PPP4R3B: variants seen among roughly 807,000 people sequenced by gnomAD.
The protein encoded by PPP4R3B is protein phosphatase 4 regulatory subunit 3B, also known as serine/threonine-protein phosphatase 4 regulatory subunit 3B.
In PPP4R3B, 52 loss-of-function variants were observed where a neutral mutation model predicts 95.4. The ratio of observed to expected loss-of-function variants is 0.54; its 90% CI spans 0.44 to 0.69. PPP4R3B has a LOEUF of 0.69. PPP4R3B is among the 30% of genes least tolerant of loss of function. The pLI is 0.00. For missense variants in PPP4R3B, 1,003 were observed against 1,005.9 expected (o/e 1.00, Z 0.04); for synonymous variants, 407 against 343.9 (o/e 1.18, Z -2.03).
At chr2:55,605,030 C>T (rs920422929) in intron 2 of PPP4R3B, among the ~76,000 whole-genome samples, 2 of 151,990 alleles carry the variant, frequency 1.3e-5, no homozygotes, top group African/African-American at 4.8e-5. Context: ...AGGGTTTCAC[C>T]ATTTTGCCCA....
intron 2 of PPP4R3B, among the ~76,000 whole-genome samples, chr2:55,605,418 C>G (rs1035597620): frequency 6.6e-6 from 1 of 152,164 alleles, no homozygotes; most frequent in South Asian, 2.1e-4. Context: ...CATTTCAGTA[C>G]TTTTTGGCTT....
In PPP4R3B at chr2:55,547,382, G is replaced by A. The variant is rs1684843232; in HGVS notation, c.*2529C>T. On this transcript the variant is annotated 3_prime_UTR_variant, in exon 17 of 17. Coordinates refer to ENST00000616407, the MANE Select transcript of PPP4R3B (RefSeq NM_001122964.3). ...TTAAGAAGACCTAAGGCATACAAAT[G>A]TGGGCTTTTGGCTTGCTTCACTGAA... The A allele has an allele frequency of 6.6e-6, 1 of 152,178 alleles. No individual in the cohort carries two copies. Among genetic ancestry groups the A allele is most frequent in the African/African-American group, 2.4e-5 (1 of 41,444 alleles). 9.4% of individuals were successfully genotyped at this position (152,178 alleles called of 1,614,324 possible). A position where few individuals can be genotyped will look rare whatever the true frequency, so the allele number is the denominator to read the frequency against.
chr2:55,607,783 CTTGGT>C (rs1693624711), intron 2 of PPP4R3B, among the ~76,000 whole-genome samples: 1 of 152,188 alleles, frequency 6.6e-6, no homozygotes, highest in Non-Finnish European at 1.5e-5. Context: ...CTAACCATGC[CTTGGT>C]CCTTCTGGTG....
chr2:55,564,405 T>G lies in PPP4R3B; in HGVS notation c.2168A>C (p.Glu723Ala). Residue 723 changes from glutamate (E) to alanine (A), a missense_variant, in exon 15 of 17, where the codon GAG (glutamate) becomes GCG (alanine). Physicochemically the swap from Glu to Ala is moderately radical, Grantham distance 107. Coordinates refer to ENST00000616407, the MANE Select transcript of PPP4R3B (RefSeq NM_001122964.3). ...EEMWFNEDEEEEGKAVVAPVE... is the reference protein window; with the variant it reads ...EEMWFNEDEEAEGKAVVAPVE... ...TGGTGCCACAACTGCTTTTCCTTCC[T>G]CTTCTTCATCTTCATTAAACCACAT... The G allele has an allele frequency of 1.2e-6, 2 of 1,613,930 alleles. No homozygotes were observed. Among genetic ancestry groups the G allele is most frequent in the East Asian group, 4.5e-5 (2 of 44,826 alleles).
chr2:55,572,002 A>T (rs1688066327), intron 12 of PPP4R3B, among the ~76,000 whole-genome samples: 1 of 152,268 alleles, frequency 6.6e-6, no homozygotes, highest in Admixed American at 6.5e-5. Flanking sequence ...CTTATTTAAC[A>T]AAAATGGTAT....
intron 1 of PPP4R3B, 92 bp downstream of exon 1, chr2:55,617,052 G>A: frequency 4.9e-6 from 7 of 1,432,082 alleles, no homozygotes; most frequent in African/African-American, 1.4e-5. Flanking sequence ...TGTCCCGAAG[G>A]AGTAGCAACG....
chr2:55,612,615 C>T (rs1234103789), intron 2 of PPP4R3B, among the ~76,000 whole-genome samples: 2 of 152,076 alleles, frequency 1.3e-5, no homozygotes. Flanking sequence ...GCCTGGACAA[C>T]ATAACGAGAC....
chr2:55,601,882 G>A (rs1397711931), intron 3 of PPP4R3B, among the ~76,000 whole-genome samples: 2 of 152,106 alleles, frequency 1.3e-5, no homozygotes, highest in Non-Finnish European at 2.9e-5. Flanking sequence ...GCTTCCTGAG[G>A]ATGTAATGCT....
chr2:55,617,250 G>C lies in PPP4R3B; in HGVS notation c.36C>G (p.Thr12=). ...SDTRRRVKVY[T]LNEDRQWDDR... is the part of the protein sequence containing the mutation. ...CGTCCCATTGCCGGTCTTCGTTCAG[G>C]GTATAGACCTTCACTCGCCGCCGCG... Residue 12 remains threonine (T), a synonymous_variant, in exon 1 of 17, where the codon ACC becomes ACG. Coordinates refer to ENST00000616407, the MANE Select transcript of PPP4R3B (RefSeq NM_001122964.3). The C allele has an allele frequency of 1.2e-6, 2 of 1,609,504 alleles. No individual in the cohort carries two copies. The highest frequency in any genetic ancestry group is 1.7e-6 in the Non-Finnish European group (2 of 1,176,996).
intron 3 of PPP4R3B, among the ~76,000 whole-genome samples, chr2:55,600,379 T>G (rs1269352591): frequency 8.9e-6 from 1 of 112,440 alleles, no homozygotes; most frequent in Non-Finnish European, 1.6e-5. Context: ...TGAGCCGAGA[T>G]CACACCACTG....
rs1363789074 is a variant in PPP4R3B at position 55,586,634 on chromosome 2, G to A, written c.1100C>T (p.Ala367Val). 3 of 1,596,920 alleles carry A rather than the reference G, an allele frequency of 1.9e-6. No homozygotes were observed. The highest frequency in any genetic ancestry group is 1.7e-4 in the Middle Eastern group (1 of 6,006). Residue 367 changes from alanine (A) to valine (V), a missense_variant, in exon 6 of 17, where the codon GCT becomes GTT. Physicochemically the swap from Ala to Val is moderately conservative, Grantham distance 64. Coordinates refer to ENST00000616407, the MANE Select transcript of PPP4R3B (RefSeq NM_001122964.3). ...KTLAKLGILP[A>V]LEIVMGMDDL... is the part of the protein sequence containing the mutation. ...CATAATTACCATTACAATTTCAAGA[G>A]CAGGAAGAATTCCCAATTTTGCCAA...
rs780708713 is a variant in PPP4R3B, at chr2:55,581,720, A to C, written c.1234-22T>G. 11 of 1,607,042 alleles carry C rather than the reference A, an allele frequency of 6.8e-6. No individual in the cohort carries two copies. The South Asian group carries it at 1.1e-4, about 16-fold the overall frequency. ...TATCCTGGTGGCAAAACAAAACAAA[A>C]CAAAACATGTTTCCATTAGACCTGG... On this transcript the variant is annotated intron_variant, in intron 7 of 16. Coordinates refer to ENST00000616407, the MANE Select transcript of PPP4R3B (RefSeq NM_001122964.3).
chr2:55,564,873 G>A (rs1400902301), intron 14 of PPP4R3B, 29 bp downstream of exon 14: 2 of 1,592,176 alleles, frequency 1.3e-6, no homozygotes, highest in East Asian at 2.3e-5. Context: ...AGTTTTGTAG[G>A]CTATAAAAGC....
rs143951318 is a variant in PPP4R3B at position 55,598,865 on chromosome 2, G to A, written c.472C>T (p.Arg158Cys). The change falls in exon 4 of 17, where the codon CGT (arginine) becomes TGT (cysteine). Residue 158 changes from arginine to cysteine, a missense_variant. Coordinates refer to ENST00000616407, the MANE Select transcript of PPP4R3B (RefSeq NM_001122964.3). ...LVTSVLSSPI[R>C]REKLALALEN... ...AAGGCGAGAGCCAGCTTTTCCCTAC[G>A]GATAGGTGAGGAGAGCACTGAGGTA... The A allele has an allele frequency of 7.4e-6, 12 of 1,614,152 alleles. No homozygotes were observed. Among genetic ancestry groups the A allele is most frequent in the East Asian group, 4.5e-5 (2 of 44,882 alleles).
chr2:55,613,959 T>C (rs1169905368), intron 2 of PPP4R3B, among the ~76,000 whole-genome samples: 1 of 152,182 alleles, frequency 6.6e-6, no homozygotes, highest in Non-Finnish European at 1.5e-5. Flanking sequence ...CTTAAATGTC[T>C]ACCTTACAAT....
intron 11 of PPP4R3B, among the ~76,000 whole-genome samples, chr2:55,576,474 G>T (rs1333028618): frequency 2.0e-5 from 3 of 152,070 alleles, no homozygotes; most frequent in African/African-American, 7.2e-5. Flanking sequence ...CGGGCGCGGT[G>T]GCTCACGCCT....
chr2:55,571,771 A>G (rs375598919), intron 12 of PPP4R3B, among the ~76,000 whole-genome samples: 32 of 152,132 alleles, frequency 2.1e-4, no homozygotes, highest in African/African-American at 7.0e-4. Context: ...GATTACAGAC[A>G]TACACCACCA....
rs1695081132 is a variant in PPP4R3B at position 55,617,197 on chromosome 2, G to A, written c.89C>T (p.Thr30Ile). 1 of 1,614,004 alleles carries A rather than the reference G, an allele frequency of 6.2e-7. No individual in the cohort carries two copies. The change falls in exon 1 of 17, where the codon ACT (threonine) becomes ATT (isoleucine). Residue 30 changes from threonine (T) to isoleucine (I), a missense_variant. Around this residue, in one of 3 missense-constraint regions of PPP4R3B, gnomAD observed 695 missense variants for 686.2 expected, o/e 1.01. Coordinates refer to ENST00000616407, the MANE Select transcript of PPP4R3B (RefSeq NM_001122964.3). ...CATCCCCTTGAGCTCCTCCACGTAA[G>A]TGGAGGAGACGTGCCCGGTGCCTCG... ...DDRGTGHVSS[T>I]YVEELKGMSL...
At chr2:55,609,227 TCAC>T (rs1559054145) in intron 2 of PPP4R3B, among the ~76,000 whole-genome samples, 2 of 152,084 alleles carry the variant, frequency 1.3e-5, no homozygotes, top group Non-Finnish European at 2.9e-5. Context: ...GGTGTGATCA[TCAC>T]GAACTATAGC....
Sources: allele counts gnomAD v4.1 joint callset (sites outside exome capture counted in the v4.1 genomes callset), GRCh38; gene constraint gnomAD v4.1.1; regional missense constraint gnomAD v4.1.1; transcripts MANE v1.5; gene names NCBI Gene and HGNC (gene_info 2026-07-23, HGNC 2026-07-21).